The following PCDH11X variants were observed in gnomAD, a reference collection of about 807,000 sequenced individuals.
The protein encoded by PCDH11X is protocadherin-11 X-linked.
PCDH11X carries 18 observed loss-of-function variants against 53.3 expected under a neutral mutation model. The observed-to-expected ratio is 0.34, with a 90% CI of 0.23 to 0.50. The LOEUF is 0.50. PCDH11X is among the 20% of genes least tolerant of loss of function. PCDH11X has a pLI of 0.98. For missense variants in PCDH11X, 570 were observed against 1,032.4 expected, an observed-to-expected ratio of 0.55 and a Z score of 6.14; for synonymous variants, 279 against 393.3, an observed-to-expected ratio of 0.71 and a Z score of 3.44.
intron 6 of PCDH11X, among the ~76,000 whole-genome samples, chrX:92,040,490 C>T (rs1316953764): frequency 8.1e-5 from 9 of 111,004 alleles, no homozygotes; most frequent in African/African-American, 2.9e-4. Context: ...GTCCTCCAGT[C>T]GCTGTTGTTT....
In PCDH11X at chrX:92,265,044, G is replaced by T. The variant is rs1239825410; in HGVS notation, c.3144+1901G>T. Reference sequence around the variant, plus strand: ...GCTTTTCTTTATAAGGTCAAGAAGGGTAAGCAAGCAGAGATAAGCAGAATC... The same window carrying T: ...GCTTTTCTTTATAAGGTCAAGAAGGTTAAGCAAGCAGAGATAAGCAGAATC... On this transcript the variant is annotated intron_variant, in intron 8 of 10. Coordinates refer to ENST00000682573, the MANE Select transcript of PCDH11X (RefSeq NM_032968.5). 3.7e-5 allele frequency among the ~76,000 whole-genome samples: 4 copies of T among 109,336 alleles called. No individual in the cohort carries two copies. In the East Asian group the frequency reaches 1.2e-3, roughly 32 times the overall value. 94.9% of individuals were successfully genotyped at this position (109,336 alleles called of 115,157 possible).
chrX:92,105,672 G>T (rs61075798), intron 6 of PCDH11X, among the ~76,000 whole-genome samples: 4 of 102,107 alleles, frequency 3.9e-5, no homozygotes, highest in African/African-American at 1.5e-4. Context: ...AGTGGGGGTC[G>T]CAAGGTGCTC....
intron 8 of PCDH11X, among the ~76,000 whole-genome samples, chrX:92,312,112 C>T (rs1208951474): frequency 2.7e-5 from 3 of 111,070 alleles, no homozygotes; most frequent in Non-Finnish European, 5.7e-5. Context: ...CATTGCAGTG[C>T]CAAAGAATGC....
At chrX:92,027,156 T>C (rs2062980890) in intron 6 of PCDH11X, among the ~76,000 whole-genome samples, 1 of 111,733 alleles carries the variant, frequency 8.9e-6, no homozygotes, top group Non-Finnish European at 1.9e-5. Flanking sequence ...ATGACACATA[T>C]AATGTGCCTT....
chrX:92,287,326 C>A (rs2068396514), intron 8 of PCDH11X, among the ~76,000 whole-genome samples: 1 of 111,127 alleles, frequency 9.0e-6, no homozygotes, highest in Non-Finnish European at 1.9e-5. Context: ...TCCTAATGCT[C>A]TCCCTCCCCT....
intron 7 of PCDH11X, among the ~76,000 whole-genome samples, chrX:92,250,206 A>G (rs1186476813): frequency 9.0e-6 from 1 of 111,460 alleles, no homozygotes; most frequent in Non-Finnish European, 1.9e-5. Context: ...AATTAAACCA[A>G]TTTTGGATAC....
At chrX:91,867,981 G>A (rs1366973117) in intron 5 of PCDH11X, among the ~76,000 whole-genome samples, 1 of 111,373 alleles carries the variant, frequency 9.0e-6, no homozygotes, top group Non-Finnish European at 1.9e-5. Flanking sequence ...CCTGCCTGTG[G>A]AGGTTTGATT....
intron 9 of PCDH11X, among the ~76,000 whole-genome samples, chrX:92,425,553 G>A (rs984034055): frequency 3.6e-5 from 4 of 110,082 alleles, no homozygotes; most frequent in African/African-American, 1.3e-4. Flanking sequence ...GGGGAAGATT[G>A]GGTTTGTCGT....
At chrX:92,519,667 A>G (rs1227917018) in intron 10 of PCDH11X, among the ~76,000 whole-genome samples, 2 of 107,868 alleles carry the variant, frequency 1.9e-5, no homozygotes, top group African/African-American at 6.7e-5. Context: ...CTTTATTATT[A>G]GTTAATTTTT....
chrX:92,316,456 T>C (rs1410152369), intron 8 of PCDH11X, among the ~76,000 whole-genome samples: 3 of 110,662 alleles, frequency 2.7e-5, no homozygotes, highest in Admixed American at 9.7e-5. Flanking sequence ...CAAGATGATA[T>C]AAAATATGAT....
intron 6 of PCDH11X, among the ~76,000 whole-genome samples, chrX:92,110,387 T>C (rs2064476918): frequency 9.3e-6 from 1 of 107,140 alleles, no homozygotes; most frequent in African/African-American, 3.4e-5. Flanking sequence ...CCGAGGAAAA[T>C]GACAAGCCTC....
intron 6 of PCDH11X, among the ~76,000 whole-genome samples, chrX:92,094,424 G>T (rs771681456): frequency 1.8e-5 from 2 of 110,514 alleles, no homozygotes; most frequent in African/African-American, 3.3e-5. Context: ...TTGCTTAAAA[G>T]TATTCTTATG....
chrX:92,225,083 G>C (rs1230534833), intron 7 of PCDH11X, among the ~76,000 whole-genome samples: 1 of 111,702 alleles, frequency 9.0e-6, no homozygotes, highest in African/African-American at 3.2e-5. Context: ...ACTGTTGTTA[G>C]CCTAAAGGGG....
At chrX:92,339,827 C>T (rs745988001) in intron 8 of PCDH11X, among the ~76,000 whole-genome samples, 6 of 108,581 alleles carry the variant, frequency 5.5e-5, no homozygotes, top group Non-Finnish European at 7.7e-5. Flanking sequence ...CCACTCTTGG[C>T]CCCCTCAAAT....
At chrX:91,801,746 A>G (rs1935943680) in intron 1 of PCDH11X, among the ~76,000 whole-genome samples, 1 of 112,175 alleles carries the variant, frequency 8.9e-6, no homozygotes. Flanking sequence ...GACTCCAAAT[A>G]TCAAGCTCTC....
At chrX:92,134,860 C>T (rs2065058943) in intron 6 of PCDH11X, among the ~76,000 whole-genome samples, 1 of 110,712 alleles carries the variant, frequency 9.0e-6, no homozygotes. Context: ...TTTTAGCTGA[C>T]TTCTTTACTG....
chrX:92,442,573 A>G (rs2072539262), intron 9 of PCDH11X, among the ~76,000 whole-genome samples: 1 of 110,773 alleles, frequency 9.0e-6, no homozygotes, highest in Admixed American at 9.6e-5. Flanking sequence ...AGCCATATGG[A>G]ACCATAAGTC....
At chrX:92,465,029 T>A (rs1037704972) in intron 9 of PCDH11X, among the ~76,000 whole-genome samples, 5 of 110,865 alleles carry the variant, frequency 4.5e-5, no homozygotes, top group Non-Finnish European at 9.4e-5. Flanking sequence ...ATAGGTGGCA[T>A]AGGCCTGTAG....
chrX:92,353,177 A>G (rs375837654), intron 8 of PCDH11X, among the ~76,000 whole-genome samples: 183 of 111,349 alleles, frequency 1.6e-3, no homozygotes, highest in African/African-American at 5.6e-3. Flanking sequence ...CATTATTCTC[A>G]TTTGTCATGA....
Sources: allele counts gnomAD v4.1 joint callset (sites outside exome capture counted in the v4.1 genomes callset), GRCh38; gene constraint gnomAD v4.1.1; transcripts MANE v1.5; gene names NCBI Gene and HGNC (gene_info 2026-07-23, HGNC 2026-07-21).